KCNA6: variants seen among roughly 807,000 people sequenced by gnomAD.
KCNA6 encodes potassium voltage-gated channel subfamily A member 6.
In KCNA6, 17 loss-of-function variants were observed where a neutral mutation model predicts 29.5. That is an observed-to-expected ratio of 0.58 (90% CI 0.39 to 0.86). KCNA6 has a LOEUF of 0.86. KCNA6 is among the 40% of genes least tolerant of loss of function. KCNA6 has a pLI of 0.00. For missense variants in KCNA6, 450 were observed against 703.4 expected, an observed-to-expected ratio of 0.64 and a Z score of 4.07; for synonymous variants, 296 against 304.7, an observed-to-expected ratio of 0.97 and a Z score of 0.30.
the KCNA6 span, among the ~76,000 whole-genome samples, chr12:4,837,906 G>T: frequency 6.6e-6 from 1 of 151,946 alleles, no homozygotes; most frequent in South Asian, 2.1e-4. Flanking sequence ...GACTGCCTGA[G>T]TGTGGGCTCT....
chr12:4,849,254 G>A, the KCNA6 span, among the ~76,000 whole-genome samples: 123 of 152,240 alleles, frequency 8.1e-4, 3 homozygotes, highest in Admixed American at 9.2e-4. Flanking sequence ...CATAGCAGGA[G>A]AATTGAGTCT....
chr12:4,821,417 G>C, the KCNA6 span, among the ~76,000 whole-genome samples: 1 of 105,266 alleles, frequency 9.5e-6, no homozygotes, highest in Non-Finnish European at 2.1e-5. Context: ...TACTCACTTG[G>C]ATGTGTGTGT....
downstream of KCNA6, among the ~76,000 whole-genome samples, chr12:4,816,175 T>G (rs556034537): frequency 3.9e-5 from 6 of 152,248 alleles, no homozygotes; most frequent in South Asian, 1.2e-3. Flanking sequence ...ACAGTTTTTT[T>G]CTTCTGCCAC....
chr12:4,838,627 C>T, the KCNA6 span, among the ~76,000 whole-genome samples: 1 of 152,198 alleles, frequency 6.6e-6, no homozygotes, highest in African/African-American at 2.4e-5. Flanking sequence ...ACCTATCTGC[C>T]ATAACTAAAT....
At chr12:4,819,216 T>C in the KCNA6 span, among the ~76,000 whole-genome samples, 7 of 152,188 alleles carry the variant, frequency 4.6e-5, no homozygotes, top group African/African-American at 1.7e-4. Flanking sequence ...CTGATCTCCC[T>C]CTCCCATTTT....
rs1946634346 is a variant in KCNA6 at position 4,811,756 on chromosome 12, T to A, written c.*125T>A. ...GACTCTCTCCCCTACACCCACTACCTGGCATCCAGGACCAAATACCTGGAC... is the reference window on the plus strand; with the variant it reads ...GACTCTCTCCCCTACACCCACTACCAGGCATCCAGGACCAAATACCTGGAC... On this transcript the variant is annotated 3_prime_UTR_variant, in exon 1 of 1. Coordinates refer to ENST00000280684, the Ensembl canonical transcript of KCNA6. This position sits in a 1 kb window ranked among gnomAD's most constrained non-coding sequence, Gnocchi z 7.1. 52 of 1,140,554 alleles carry A rather than the reference T, an allele frequency of 4.6e-5. 1 individual carries two copies. In the South Asian group the frequency reaches 7.9e-4, roughly 17 times the overall value. The allele number at this position is 1,140,554 out of a possible 1,614,324, so 70.7% of individuals were successfully genotyped here.
the KCNA6 span, among the ~76,000 whole-genome samples, chr12:4,825,738 G>A: frequency 6.6e-6 from 1 of 152,184 alleles, no homozygotes; most frequent in East Asian, 1.9e-4. Context: ...TTAAATAGAA[G>A]TCTTTGAGAA....
the KCNA6 span, among the ~76,000 whole-genome samples, chr12:4,829,414 C>T: frequency 1.4e-4 from 21 of 152,156 alleles, no homozygotes; most frequent in African/African-American, 1.9e-4. Context: ...ACTGGCATAA[C>T]GTGTCCACAT....
chr12:4,810,647 T>A lies in KCNA6; in HGVS notation c.606T>A (p.Asp202Glu), dbSNP rs759389032. 6.2e-7 allele frequency: 1 copy of A among 1,613,480 alleles called. No individual in the cohort carries two copies. Among genetic ancestry groups the A allele is most frequent in the African/African-American group, 1.3e-5 (1 of 74,764 alleles). The stretch of plus-strand genomic sequence containing the variant: ...AGACCTTACCCCAGTTCCGTGTAGA[T>A]GGTCGAGGTGGAAACAATGGTGGTG... Residue 202 changes from aspartate (D) to glutamate (E), a missense_variant, in exon 1 of 1, where the codon GAT (aspartate) becomes GAA (glutamate). Asp to Glu is a conservative substitution (Grantham distance 45, BLOSUM62 2). Coordinates refer to ENST00000280684, the Ensembl canonical transcript of KCNA6. This position sits in a 1 kb window ranked among gnomAD's most constrained non-coding sequence, Gnocchi z 7.5.
chr12:4,827,094 C>G, the KCNA6 span, among the ~76,000 whole-genome samples: 1 of 148,652 alleles, frequency 6.7e-6, no homozygotes, highest in Non-Finnish European at 1.5e-5. Context: ...CTCCATCGTC[C>G]CCTCTCTCTT....
the KCNA6 span, among the ~76,000 whole-genome samples, chr12:4,843,537 ATAGTT>A: frequency 5.3e-5 from 8 of 152,168 alleles, no homozygotes; most frequent in Non-Finnish European, 2.9e-5. Context: ...AAGCGAAACA[ATAGTT>A]ACGTTAGGCC....
Position 4,811,339 on chromosome 12 carries a change from TG to T in KCNA6, c.1304del (p.Gly435GlufsTer55). 1 of 1,613,808 alleles carries T rather than the reference TG, an allele frequency of 6.2e-7. No individual in the cohort carries two copies. The highest frequency in any genetic ancestry group is 8.5e-7 in the Non-Finnish European group (1 of 1,179,730). ...TACGGGGACATGTACCCCATGACTG[TG>T]GGGGGAAAGATCGTGGGCTCGCTGT... On this transcript the variant is annotated frameshift_variant, in exon 1 of 1. Coordinates refer to ENST00000280684, the Ensembl canonical transcript of KCNA6. LOFTEE classifies it high-confidence loss of function. This position sits in a 1 kb window ranked among gnomAD's most constrained non-coding sequence, Gnocchi z 7.1.
the KCNA6 span, among the ~76,000 whole-genome samples, chr12:4,843,560 C>A: frequency 6.6e-6 from 1 of 152,194 alleles, no homozygotes; most frequent in Non-Finnish European, 1.5e-5. Context: ...GCCATTCTCA[C>A]GTTGCTATAA....
chr12:4,828,198 ATC>A, the KCNA6 span, among the ~76,000 whole-genome samples: 2 of 151,602 alleles, frequency 1.3e-5, no homozygotes, highest in Non-Finnish European at 2.9e-5. Flanking sequence ...CTGTATCTGT[ATC>A]TCTATAGAGA....
the KCNA6 span, among the ~76,000 whole-genome samples, chr12:4,847,556 T>A: frequency 6.6e-6 from 1 of 152,164 alleles, no homozygotes. Context: ...AAAGAATTAT[T>A]TCCTTCTTCT....
the KCNA6 span, chr12:4,839,322 A>T: frequency 6.6e-6 from 1 of 152,226 alleles, no homozygotes; most frequent in Non-Finnish European, 1.5e-5. Flanking sequence ...GACAATGAGG[A>T]TGAAGACCTT....
the KCNA6 span, among the ~76,000 whole-genome samples, chr12:4,847,971 A>G: frequency 6.6e-6 from 1 of 152,154 alleles, no homozygotes; most frequent in Admixed American, 6.6e-5. Flanking sequence ...CCCTGGGAGC[A>G]GAGCAGGGGA....
the KCNA6 span, among the ~76,000 whole-genome samples, chr12:4,840,665 G>A: frequency 6.6e-6 from 1 of 152,228 alleles, no homozygotes; most frequent in Non-Finnish European, 1.5e-5. Flanking sequence ...TAACTCCAAT[G>A]AGACTGAGAT....
the KCNA6 span, among the ~76,000 whole-genome samples, chr12:4,832,350 A>AC: frequency 0.16 from 23,644 of 152,094 alleles, 1,932 homozygotes; most frequent in Non-Finnish European, 0.17. Flanking sequence ...CTGTGACCCC[A>AC]CCCCAGCGGC....
Sources: gnomAD v4.1 joint callset for allele counts (sites outside exome capture counted in the v4.1 genomes callset) on GRCh38, gnomAD v4.1.1 for gene constraint, Gnocchi (gnomAD v3.1) non-coding constraint, MANE v1.5 for transcripts, NCBI Gene and HGNC (gene_info 2026-07-23, HGNC 2026-07-21) for gene names.